Variants in IL15 observed in about 807,000 individuals in gnomAD.
IL15 encodes the protein interleukin-15.
In IL15, 11 loss-of-function variants were observed where a neutral mutation model predicts 19.6. That is an observed-to-expected ratio of 0.56 (90% CI 0.35 to 0.93). The LOEUF is 0.93. Ranked by LOEUF, IL15 falls within the 40% of genes least tolerant of loss-of-function variation. The pLI, the probability that IL15 is intolerant of heterozygous loss-of-function variation, is 0.01. For synonymous variants in IL15, 58 were observed against 59.6 expected (o/e 0.97, Z 0.12); for missense variants, 197 against 186.5 (o/e 1.06, Z -0.33).
At chr4:141,702,041 G>A (rs940663910) in intron 2 of IL15, among the ~76,000 whole-genome samples, 5 of 152,138 alleles carry the variant, frequency 3.3e-5, no homozygotes, top group African/African-American at 7.2e-5. Context: ...AGTTGTGTCC[G>A]CAGTGATGTA....
At chr4:141,714,303 T>G (rs944956012) in intron 2 of IL15, among the ~76,000 whole-genome samples, 1 of 152,068 alleles carries the variant, frequency 6.6e-6, no homozygotes, top group Non-Finnish European at 1.5e-5. Flanking sequence ...ATCCTCATCT[T>G]CACTTGCTTA....
At position 141,667,936 on chromosome 4, in the gene IL15, G is replaced by A. The variant is rs910012515; in HGVS notation, c.-100+11629G>A. On this transcript the variant is annotated intron_variant, in intron 2 of 7. Coordinates refer to ENST00000320650, the MANE Select transcript of IL15 (RefSeq NM_000585.5). The stretch of plus-strand genomic sequence containing the variant: ...TTCTTTCTCTTATTTTAATTTTCTG[G>A]TACAATAGGTTAATATTCTGTGAAA... Among the ~76,000 whole-genome samples, 6 of 151,946 alleles carry A rather than the reference G, an allele frequency of 3.9e-5. No individual in the cohort carries two copies. The South Asian group carries it at 1.2e-3, about 32-fold the overall frequency.
chr4:141,689,172 C>T, intron 2 of IL15: 1 of 152,908 alleles, frequency 6.5e-6, no homozygotes, highest in Non-Finnish European at 1.5e-5. Context: ...AGTGTGGACC[C>T]AAAGAGTGAG....
In IL15 at chr4:141,708,810, C is replaced by A. The variant is rs372065430; in HGVS notation, c.-99-10556C>A. ...ATAGATGTTTATTCACTGTTTTGAT[C>A]CCTTTTAGTTGGGGGAACAAGCACC... On this transcript the variant is annotated intron_variant, in intron 2 of 7. Transcript: ENST00000320650. 5.9e-5 allele frequency among the ~76,000 whole-genome samples: 9 copies of A among 152,134 alleles called. 1 individual carries two copies. The East Asian group carries it at 1.2e-3, about 20-fold the overall frequency.
intron 2 of IL15, among the ~76,000 whole-genome samples, chr4:141,711,157 T>C (rs535656641): frequency 6.6e-4 from 101 of 152,302 alleles, no homozygotes; most frequent in African/African-American, 2.4e-3. Flanking sequence ...TATTTTATTA[T>C]CTTAAAATTG....
chr4:141,680,181 G>A (rs1255436090), intron 2 of IL15, among the ~76,000 whole-genome samples: 2 of 151,890 alleles, frequency 1.3e-5, no homozygotes, highest in East Asian at 3.9e-4. Flanking sequence ...TCATAAAGCT[G>A]TAGGATTCTG....
chr4:141,679,579 T>A (rs1728467682), intron 2 of IL15, among the ~76,000 whole-genome samples: 1 of 152,246 alleles, frequency 6.6e-6, no homozygotes, highest in Non-Finnish European at 1.5e-5. Context: ...ATCTTTTATT[T>A]TGAATGCTAT....
Position 141,663,008 on chromosome 4 carries a change from CA to C in IL15, c.-100+6702del, listed in dbSNP as rs1727843243. On this transcript the variant is annotated intron_variant, in intron 2 of 7. Transcript: ENST00000320650. ...TCATATTATTGGCAGAAAAAAAATC[CA>C]GCAACTCATTAAAAAAGTAATCATT... 1.3e-5 allele frequency among the ~76,000 whole-genome samples: 2 copies of C among 151,268 alleles called. 1 individual carries two copies. The highest frequency in any genetic ancestry group is 4.2e-4 in the South Asian group (2 of 4,804).
intron 2 of IL15, among the ~76,000 whole-genome samples, chr4:141,706,226 A>G (rs1242157634): frequency 6.6e-6 from 1 of 151,606 alleles, no homozygotes; most frequent in Non-Finnish European, 1.5e-5. Flanking sequence ...TTGTTTGTAT[A>G]TGTGTTATAT....
chr4:141,650,512 TG>T (rs1727370252), intron 1 of IL15, among the ~76,000 whole-genome samples: 1 of 152,076 alleles, frequency 6.6e-6, no homozygotes, highest in Non-Finnish European at 1.5e-5. Flanking sequence ...ATATGCTTTG[TG>T]CTATGGTAAC....
chr4:141,687,315 T>G (rs1472851454), intron 2 of IL15, among the ~76,000 whole-genome samples: 1 of 152,118 alleles, frequency 6.6e-6, no homozygotes, highest in Non-Finnish European at 1.5e-5. Context: ...TGCTTTTACA[T>G]TATTAGGGTC....
At chr4:141,702,271 C>T (rs1729346313) in intron 2 of IL15, among the ~76,000 whole-genome samples, 1 of 152,186 alleles carries the variant, frequency 6.6e-6, no homozygotes, top group African/African-American at 2.4e-5. Flanking sequence ...TCTCTCCCTT[C>T]CCCTAAAAAT....
intron 2 of IL15, among the ~76,000 whole-genome samples, chr4:141,682,883 CAG>C (rs1469560041): frequency 1.3e-5 from 2 of 151,628 alleles, no homozygotes; most frequent in African/African-American, 4.9e-5. Flanking sequence ...ACCCGGGAGG[CAG>C]AGTCTGCAGT....
intron 2 of IL15, among the ~76,000 whole-genome samples, chr4:141,710,217 C>A (rs1334845075): frequency 6.6e-6 from 1 of 152,136 alleles, no homozygotes; most frequent in African/African-American, 2.4e-5. Context: ...GGGCAGGATA[C>A]CCTCTATTAG....
intron 1 of IL15, among the ~76,000 whole-genome samples, chr4:141,649,697 C>A (rs1727342427): frequency 6.6e-6 from 1 of 152,024 alleles, no homozygotes; most frequent in Admixed American, 6.6e-5. Context: ...CATAACACAA[C>A]AGTAAAACAA....
At chr4:141,682,725 G>T (rs1336681878) in intron 2 of IL15, among the ~76,000 whole-genome samples, 1 of 152,156 alleles carries the variant, frequency 6.6e-6, no homozygotes, top group Non-Finnish European at 1.5e-5. Context: ...GGGAGGCCGA[G>T]GCGGGTGGTT....
chr4:141,706,621 C>A (rs900436330), intron 2 of IL15, among the ~76,000 whole-genome samples: 8 of 151,922 alleles, frequency 5.3e-5, no homozygotes, highest in South Asian at 2.1e-4. Flanking sequence ...GTGATGAATC[C>A]CGTCAGTGTT....
At chr4:141,654,519 T>C (rs1211078684) in intron 1 of IL15, among the ~76,000 whole-genome samples, 3 of 152,236 alleles carry the variant, frequency 2.0e-5, no homozygotes, top group African/African-American at 7.2e-5. Context: ...GTATGAAATA[T>C]GGATGCTGAG....
chr4:141,704,649 C>A, intron 2 of IL15: 1 of 324,632 alleles, frequency 3.1e-6, no homozygotes, highest in Non-Finnish European at 6.3e-6. Context: ...TGGTGGAATT[C>A]AGCAGTGAAG....
Sources: gnomAD v4.1 joint callset for allele counts (sites outside exome capture counted in the v4.1 genomes callset) on GRCh38, gnomAD v4.1.1 for gene constraint, MANE v1.5 for transcripts, NCBI Gene and HGNC (gene_info 2026-07-23, HGNC 2026-07-21) for gene names.